ULK4: variants seen among roughly 807,000 people sequenced by gnomAD.
ULK4 encodes inactive serine/threonine-protein kinase ULK4.
ULK4 carries 133 observed loss-of-function variants against 160.6 expected under a neutral mutation model. The observed-to-expected ratio is 0.83, with a 90% CI of 0.72 to 0.96. ULK4 has a LOEUF of 0.96. Ranked by LOEUF, ULK4 falls within the 40% of genes least tolerant of loss-of-function variation. The probability of loss-of-function intolerance (pLI) is 0.00; values close to 1 mark genes in which losing one functional copy is unlikely to be tolerated. For synonymous variants in ULK4, 534 were observed against 539.8 expected (o/e 0.99, Z 0.15); for missense variants, 1,580 against 1,499.5 (o/e 1.05, Z -0.89).
Position 41,693,267 on chromosome 3 carries a change from A to T in ULK4, c.2782-11463T>A, listed in dbSNP as rs904385257. Among the ~76,000 whole-genome samples the T allele has an allele frequency of 4.6e-5, 7 of 152,246 alleles. No individual in the cohort carries two copies. The East Asian group carries it at 1.3e-3, about 29-fold the overall frequency. On this transcript the variant is annotated intron_variant, in intron 27 of 36. Transcript: ENST00000301831. ...AAAAGCCTATATAAGGGATTCTGGC[A>T]GTATCTAACAGAAGTACAAGTGCAT...
chr3:41,308,164 T>A (rs1313039403), intron 35 of ULK4, among the ~76,000 whole-genome samples: 4 of 152,114 alleles, frequency 2.6e-5, no homozygotes, highest in African/African-American at 9.7e-5. Flanking sequence ...GGCTTGTATA[T>A]GGTTTGGTTT....
At chr3:41,495,399 C>T (rs573928844) in intron 32 of ULK4, among the ~76,000 whole-genome samples, 135 of 152,050 alleles carry the variant, frequency 8.9e-4, no homozygotes, top group African/African-American at 3.0e-3. Flanking sequence ...AACTGGATCC[C>T]TTCCTTACAC....
At chr3:41,518,891 A>T (rs1795312) in intron 32 of ULK4, among the ~76,000 whole-genome samples, 127,098 of 152,228 alleles carry the variant, frequency 0.83, 54,506 homozygotes, top group Non-Finnish European at 0.94. Context: ...TACAGAGAAA[A>T]CAATTTACAT....
intron 34 of ULK4, among the ~76,000 whole-genome samples, chr3:41,446,121 A>G (rs1174798750): frequency 3.3e-5 from 5 of 152,360 alleles, no homozygotes; most frequent in African/African-American, 1.2e-4. Flanking sequence ...CACACATGAA[A>G]AAAATGCTCA....
chr3:41,480,856 G>A (rs1032670874), intron 32 of ULK4, among the ~76,000 whole-genome samples: 5 of 152,100 alleles, frequency 3.3e-5, no homozygotes, highest in Non-Finnish European at 5.9e-5. Flanking sequence ...AGTGAAGGGG[G>A]TAAGGCCTCT....
chr3:41,961,186 G>C (rs1700653343), intron 1 of ULK4, among the ~76,000 whole-genome samples: 1 of 152,202 alleles, frequency 6.6e-6, no homozygotes, highest in African/African-American at 2.4e-5. Flanking sequence ...GTCGGGGGCA[G>C]GTCCTACATT....
intron 30 of ULK4, among the ~76,000 whole-genome samples, chr3:41,630,610 T>C (rs906332405): frequency 6.6e-6 from 1 of 152,218 alleles, no homozygotes; most frequent in African/African-American, 2.4e-5. Flanking sequence ...CTTAATTACA[T>C]CTGCAATATC....
At chr3:41,483,632 T>A (rs754826140) in intron 32 of ULK4, among the ~76,000 whole-genome samples, 1 of 152,198 alleles carries the variant, frequency 6.6e-6, no homozygotes, top group Non-Finnish European at 1.5e-5. Context: ...GTTTTGAGAA[T>A]GTGGAATGCT....
At chr3:41,410,211 T>C (rs6800477) in intron 34 of ULK4, among the ~76,000 whole-genome samples, 32,088 of 152,134 alleles carry the variant, frequency 0.21, 3,732 homozygotes, top group African/African-American at 0.3. Context: ...TATGTTTACA[T>C]AACAATTTGT....
rs1302364538 is a variant in ULK4, at chr3:41,564,297, C to T, written c.3226+1728G>A. Among the ~76,000 whole-genome samples, 4 of 152,000 alleles carry T rather than the reference C, an allele frequency of 2.6e-5. No homozygotes were observed. In the East Asian group the frequency reaches 5.8e-4, roughly 22 times the overall value. On this transcript the variant is annotated intron_variant, in intron 32 of 36. Coordinates refer to ENST00000301831, the MANE Select transcript of ULK4 (RefSeq NM_017886.4). ...CCTGCTTGTATGAGGTGTCTGTCGG[C>T]CCCTTCTGGGAGGTGTCTGCCAGTT...
intron 31 of ULK4, among the ~76,000 whole-genome samples, chr3:41,610,784 G>C (rs1317425106): frequency 1.3e-5 from 2 of 152,130 alleles, no homozygotes; most frequent in Non-Finnish European, 2.9e-5. Flanking sequence ...TTTTGGAATA[G>C]ACACATAAAA....
intron 31 of ULK4, among the ~76,000 whole-genome samples, chr3:41,570,578 C>T (rs922074762): frequency 3.9e-5 from 6 of 152,158 alleles, no homozygotes; most frequent in Admixed American, 1.3e-4. Flanking sequence ...CATCTGTCAG[C>T]AAATATAGGT....
intron 32 of ULK4, among the ~76,000 whole-genome samples, chr3:41,463,912 T>C (rs764124485): frequency 6.7e-6 from 1 of 149,140 alleles, no homozygotes; most frequent in African/African-American, 2.5e-5. Context: ...TGAATTGAAA[T>C]ACAACAAAAG....
chr3:41,340,470 T>C (rs2080659130), intron 35 of ULK4, among the ~76,000 whole-genome samples: 1 of 152,246 alleles, frequency 6.6e-6, no homozygotes, highest in Non-Finnish European at 1.5e-5. Context: ...ATTCATTCAT[T>C]TGTTCATTTG....
intron 8 of ULK4, chr3:41,915,335 T>C (rs2148807929): frequency 6.6e-6 from 1 of 152,312 alleles, no homozygotes; most frequent in South Asian, 2.1e-4. Context: ...AAATTTATTC[T>C]CCATTTTATA....
At chr3:41,439,191 A>G (rs2632594) in intron 34 of ULK4, among the ~76,000 whole-genome samples, 134,624 of 152,148 alleles carry the variant, frequency 0.88, 59,933 homozygotes, top group East Asian at 1. Flanking sequence ...CAGAACCTGG[A>G]CCAAATTCAC....
chr3:41,333,657 T>C (rs1243172775), intron 35 of ULK4, among the ~76,000 whole-genome samples: 5 of 152,204 alleles, frequency 3.3e-5, no homozygotes, highest in Admixed American at 6.5e-5. Flanking sequence ...TTTTGTGATC[T>C]AGGCAAGAGT....
At chr3:41,468,112 T>C (rs909671821) in intron 32 of ULK4, among the ~76,000 whole-genome samples, 9 of 152,186 alleles carry the variant, frequency 5.9e-5, no homozygotes, top group Non-Finnish European at 1.2e-4. Context: ...GAAGTGAGTT[T>C]CTAGGTAATT....
rs776858279 is a variant in ULK4, at chr3:41,455,515, A to G, written c.3474T>C (p.Ile1158=). 1 of 1,614,064 alleles carries G rather than the reference A, an allele frequency of 6.2e-7. No homozygotes were observed. Among genetic ancestry groups the G allele is most frequent in the East Asian group, 2.2e-5 (1 of 44,870 alleles). The change falls in exon 34 of 37, where the codon ATT becomes ATC. Residue 1158 remains isoleucine (I), a synonymous_variant. Transcript: ENST00000301831. ...CTCTTACCAGTGGAATGAGCAGGCTAATCAGGTCTGTCAGAGGTCTGTTGA... is the reference window on the plus strand; with the variant it reads ...CTCTTACCAGTGGAATGAGCAGGCTGATCAGGTCTGTCAGAGGTCTGTTGA... The part of the protein sequence containing the change: ...LLLNRPLTDL[I]SLLIPLLPNE...
Sources: gnomAD v4.1 joint callset for allele counts (sites outside exome capture counted in the v4.1 genomes callset) on GRCh38, gnomAD v4.1.1 for gene constraint, MANE v1.5 for transcripts, NCBI Gene and HGNC (gene_info 2026-07-23, HGNC 2026-07-21) for gene names.